Variants in DCAF1 observed in about 807,000 individuals in gnomAD.
The protein encoded by DCAF1 is DDB1 and CUL4 associated factor 1.
In DCAF1, 15 loss-of-function variants were observed where a neutral mutation model predicts 128.0. The ratio of observed to expected loss-of-function variants is 0.12; its 90% CI spans 0.08 to 0.18. DCAF1 has a LOEUF of 0.18. DCAF1 is among the 10% of genes least tolerant of loss of function. DCAF1 has a pLI of 1.00. For missense variants in DCAF1, 988 were observed against 1,649.5 expected (o/e 0.60, Z 6.95); for synonymous variants, 610 against 603.0 (o/e 1.01, Z -0.17).
chr3:51,413,527 T>A, intron 20 of DCAF1, 141 bp from the exon 21 acceptor site: 1 of 1,354,258 alleles, frequency 7.4e-7, no homozygotes. Flanking sequence ...AGAAATCTAC[T>A]CTGCATCTAG....
chr3:51,442,008 C>T (rs757762630), intron 7 of DCAF1, 111 bp from the exon 8 acceptor site: 74 of 1,392,518 alleles, frequency 5.3e-5, no homozygotes, highest in Middle Eastern at 2.1e-4. Flanking sequence ...GTGAGCCCAA[C>T]GCCTGTAATA....
At chr3:51,453,080 G>A (rs1553641883) in intron 6 of DCAF1, among the ~76,000 whole-genome samples, 1 of 151,288 alleles carries the variant, frequency 6.6e-6, no homozygotes, top group Admixed American at 6.6e-5. Flanking sequence ...TGCCATAAAT[G>A]CTTTTATCAT....
intron 5 of DCAF1, 143 bp downstream of exon 5, chr3:51,466,660 T>C (rs1704159515): frequency 6.0e-6 from 4 of 671,386 alleles, no homozygotes; most frequent in Non-Finnish European, 5.1e-6. Flanking sequence ...GAAAGCATTA[T>C]GGCCACAACC....
At chr3:51,475,901 G>T (rs1212950099) in intron 3 of DCAF1, among the ~76,000 whole-genome samples, 1 of 151,730 alleles carries the variant, frequency 6.6e-6, no homozygotes, top group Non-Finnish European at 1.5e-5. Context: ...AGATTTTCAG[G>T]GTTCAAATCT....
intron 23 of DCAF1, among the ~76,000 whole-genome samples, chr3:51,407,984 CA>C (rs59224025): frequency 0.047 from 2,432 of 52,246 alleles, 50 homozygotes; most frequent in East Asian, 0.33. Context: ...GACTCCATCT[CA>C]AAAAAAAAAA....
At chr3:51,436,135 C>G (rs1402555132) in intron 9 of DCAF1, among the ~76,000 whole-genome samples, 2 of 152,156 alleles carry the variant, frequency 1.3e-5, no homozygotes, top group African/African-American at 4.8e-5. Flanking sequence ...TACTGAATTC[C>G]CTTCCCATCT....
chr3:51,465,565 G>A (rs1420016579), intron 5 of DCAF1, among the ~76,000 whole-genome samples: 1 of 151,954 alleles, frequency 6.6e-6, no homozygotes, highest in African/African-American at 2.4e-5. Flanking sequence ...CCAACATGGA[G>A]AAACCCCGTC....
At chr3:51,484,859 A>G (rs1553654622) in intron 2 of DCAF1, among the ~76,000 whole-genome samples, 2 of 138,848 alleles carry the variant, frequency 1.4e-5, no homozygotes, top group Non-Finnish European at 3.1e-5. Flanking sequence ...ATTTTTGTAC[A>G]TTTAGTAGAG....
intron 2 of DCAF1, among the ~76,000 whole-genome samples, chr3:51,495,366 G>A (rs1553660259): frequency 6.6e-6 from 1 of 151,830 alleles, no homozygotes; most frequent in Admixed American, 6.6e-5. Flanking sequence ...AAAATATAAA[G>A]GCAAGGCGTG....
intron 6 of DCAF1, 109 bp from the exon 7 acceptor site, chr3:51,444,012 G>A (rs568782202): frequency 1.6e-5 from 17 of 1,065,502 alleles, no homozygotes; most frequent in Admixed American, 6.2e-5. Context: ...TTCAATGTTC[G>A]TAAGAGTAAA....
intron 2 of DCAF1, among the ~76,000 whole-genome samples, chr3:51,493,136 G>T (rs1480360826): frequency 6.6e-6 from 1 of 151,260 alleles, no homozygotes; most frequent in Non-Finnish European, 1.5e-5. Context: ...TTCACTACTA[G>T]ATATATACCC....
chr3:51,455,159 C>A (rs1295965367), intron 6 of DCAF1, among the ~76,000 whole-genome samples: 2 of 152,148 alleles, frequency 1.3e-5, no homozygotes, highest in East Asian at 3.8e-4. Context: ...GCCCCTACAA[C>A]AAAACACAGC....
At chr3:51,409,866 C>T (rs1387966789) in intron 23 of DCAF1, among the ~76,000 whole-genome samples, 1 of 152,204 alleles carries the variant, frequency 6.6e-6, no homozygotes, top group African/African-American at 2.4e-5. Context: ...TAATACCAAG[C>T]TCTGCTACCC....
intron 3 of DCAF1, among the ~76,000 whole-genome samples, chr3:51,479,495 CCTGT>C (rs1361688599): frequency 2.0e-5 from 3 of 149,276 alleles, no homozygotes; most frequent in East Asian, 4.1e-4. Context: ...AGAGGGAAAT[CCTGT>C]CTATTATAGC....
At chr3:51,430,560 A>G (rs1700278520) in intron 10 of DCAF1, among the ~76,000 whole-genome samples, 1 of 152,188 alleles carries the variant, frequency 6.6e-6, no homozygotes, top group South Asian at 2.1e-4. Flanking sequence ...AAATGTGATA[A>G]AAGTGGCTCA....
chr3:51,465,807 G>A (rs1704070517), intron 5 of DCAF1, among the ~76,000 whole-genome samples: 1 of 152,136 alleles, frequency 6.6e-6, no homozygotes, highest in Admixed American at 6.6e-5. Flanking sequence ...GGCCTTCATC[G>A]TGTGCCAGGC....
intron 2 of DCAF1, among the ~76,000 whole-genome samples, chr3:51,484,987 C>T (rs1706757178): frequency 6.6e-6 from 1 of 152,004 alleles, no homozygotes; most frequent in South Asian, 2.1e-4. Context: ...ACAATCTCGG[C>T]TCACTGCAAC....
intron 5 of DCAF1, among the ~76,000 whole-genome samples, chr3:51,465,029 C>T (rs1229994428): frequency 1.3e-5 from 2 of 152,128 alleles, no homozygotes; most frequent in African/African-American, 4.8e-5. Context: ...AATTTCTGGG[C>T]TATAAAGTGA....
At chr3:51,478,668 TAATTAAGACGGG>T (rs1705781886) in intron 3 of DCAF1, among the ~76,000 whole-genome samples, 1 of 152,136 alleles carries the variant, frequency 6.6e-6, no homozygotes, top group South Asian at 2.1e-4. Context: ...TTTGTTTTTT[TAATTAAGACGGG>T]GTCTTACTAT....
Sources: allele counts gnomAD v4.1 joint callset (sites outside exome capture counted in the v4.1 genomes callset), GRCh38; gene constraint gnomAD v4.1.1; transcripts MANE v1.5; gene names NCBI Gene and HGNC (gene_info 2026-07-23, HGNC 2026-07-21).